GRID2: variants seen among roughly 807,000 people sequenced by gnomAD.
GRID2 encodes the protein glutamate ionotropic receptor delta type subunit 2.
In GRID2, 33 loss-of-function variants were observed where a neutral mutation model predicts 114.8. That is an observed-to-expected ratio of 0.29 (90% CI 0.22 to 0.38). The LOEUF (loss-of-function observed/expected upper bound fraction) is 0.38, where lower values mean the gene tolerates loss of function less well. Among genes scored for constraint, GRID2 ranks in the 10% least tolerant of loss-of-function variants. The pLI, the probability that GRID2 is intolerant of heterozygous loss-of-function variation, is 1.00. For missense variants in GRID2, 1,184 were observed against 1,257.7 expected (o/e 0.94, Z 0.89); for synonymous variants, 505 against 449.9 (o/e 1.12, Z -1.55).
intron 2 of GRID2, among the ~76,000 whole-genome samples, chr4:92,599,405 G>C (rs1729097239): frequency 6.6e-6 from 1 of 152,150 alleles, no homozygotes; most frequent in East Asian, 1.9e-4. Flanking sequence ...TTTATGCTTT[G>C]AAAGATGGAT....
chr4:93,003,017 G>A (rs1398211536), intron 2 of GRID2, among the ~76,000 whole-genome samples: 4 of 151,674 alleles, frequency 2.6e-5, no homozygotes, highest in Non-Finnish European at 5.9e-5. Context: ...TCTCTTATTA[G>A]AACACTTGTG....
chr4:93,631,843 G>T (rs1243026609), intron 14 of GRID2, among the ~76,000 whole-genome samples: 1 of 152,186 alleles, frequency 6.6e-6, no homozygotes, highest in African/African-American at 2.4e-5. Flanking sequence ...CAGTGTAAAA[G>T]TGTTCCTATT....
chr4:93,079,951 A>G (rs1189597421), intron 2 of GRID2, among the ~76,000 whole-genome samples: 1 of 152,140 alleles, frequency 6.6e-6, no homozygotes, highest in Non-Finnish European at 1.5e-5. Flanking sequence ...TCACTTCCTA[A>G]GTAGATAATT....
intron 1 of GRID2, among the ~76,000 whole-genome samples, chr4:92,449,690 TA>T (rs1720793198): frequency 1.4e-5 from 2 of 141,064 alleles, no homozygotes; most frequent in South Asian, 4.4e-4. Flanking sequence ...TATATATATA[TA>T]TATATATATA....
At chr4:93,074,042 C>A (rs1212647628) in intron 2 of GRID2, among the ~76,000 whole-genome samples, 1 of 152,164 alleles carries the variant, frequency 6.6e-6, no homozygotes, top group African/African-American at 2.4e-5. Flanking sequence ...ACAACTAAAA[C>A]CTGAGGGAGA....
rs112236831 is a variant in GRID2, at chr4:92,377,607, G to A, written c.88+72863G>A. On this transcript the variant is annotated intron_variant, in intron 1 of 15. Transcript: ENST00000282020. The stretch of plus-strand genomic sequence containing the variant: ...TTTACTGTTATTAGTCTGTTTTCAC[G>A]CTGCTGATAAAGACATACCTGAGAA... Among the ~76,000 whole-genome samples the A allele has an allele frequency of 5.5e-3, 842 of 152,078 alleles. 4 individuals are homozygous for A. Among genetic ancestry groups the A allele is most frequent in the Non-Finnish European group, 7.6e-3 (518 of 68,000 alleles).
intron 1 of GRID2, among the ~76,000 whole-genome samples, chr4:92,549,232 A>G (rs908392222): frequency 6.6e-6 from 1 of 152,054 alleles, no homozygotes; most frequent in Non-Finnish European, 1.5e-5. Flanking sequence ...ACACTTAAAT[A>G]TTTGTTGGAT....
chr4:92,767,353 C>A (rs113103480), intron 2 of GRID2, among the ~76,000 whole-genome samples: 1 of 152,144 alleles, frequency 6.6e-6, no homozygotes, highest in Non-Finnish European at 1.5e-5. Context: ...AGCCACTGTA[C>A]TTGTGTGTCT....
At chr4:92,451,339 G>T (rs57865891) in intron 1 of GRID2, among the ~76,000 whole-genome samples, 1 of 151,926 alleles carries the variant, frequency 6.6e-6, no homozygotes, top group African/African-American at 2.4e-5. Flanking sequence ...CTAGAATCAC[G>T]CTCAATTTAG....
intron 1 of GRID2, among the ~76,000 whole-genome samples, chr4:92,454,823 G>A (rs547869631): frequency 5.8e-4 from 88 of 152,292 alleles, no homozygotes; most frequent in Non-Finnish European, 1.1e-3. Context: ...GGGACAGAGC[G>A]AGACTCCGTC....
chr4:93,372,104 G>A (rs972423393), intron 8 of GRID2, among the ~76,000 whole-genome samples: 1 of 152,234 alleles, frequency 6.6e-6, no homozygotes, highest in African/African-American at 2.4e-5. Flanking sequence ...TGATGTAGAT[G>A]TAAGAATAGC....
At chr4:92,824,770 A>G (rs1043150637) in intron 2 of GRID2, among the ~76,000 whole-genome samples, 2 of 152,046 alleles carry the variant, frequency 1.3e-5, no homozygotes, top group Non-Finnish European at 2.9e-5. Flanking sequence ...CTAAGAAATT[A>G]ACTTTAAATT....
intron 8 of GRID2, among the ~76,000 whole-genome samples, chr4:93,374,289 C>T (rs528902221): frequency 6.6e-6 from 1 of 152,274 alleles, no homozygotes; most frequent in Middle Eastern, 3.4e-3. Flanking sequence ...ATTTCAAAAT[C>T]AGTGCAGGAT....
intron 1 of GRID2, among the ~76,000 whole-genome samples, chr4:92,383,543 T>G (rs1416324240): frequency 6.6e-6 from 1 of 151,980 alleles, no homozygotes; most frequent in East Asian, 1.9e-4. Flanking sequence ...GGGTAAGGTA[T>G]AGAAAGCCCC....
chr4:92,502,984 G>A (rs530583208), intron 1 of GRID2, among the ~76,000 whole-genome samples: 2 of 151,834 alleles, frequency 1.3e-5, no homozygotes, highest in Non-Finnish European at 2.9e-5. Flanking sequence ...CCAAAGTGCT[G>A]GGATTACAGA....
rs1296670121 is a variant in GRID2, at chr4:93,045,551, A to G, written c.245-39444A>G. Among the ~76,000 whole-genome samples the G allele has an allele frequency of 2.6e-5, 4 of 152,326 alleles. No homozygotes were observed. The East Asian group carries it at 7.7e-4, about 29-fold the overall frequency. On this transcript the variant is annotated intron_variant, in intron 2 of 15. Transcript: ENST00000282020. ...AAAGAAAGAAATATTGCCATGAAAC[A>G]GAAGACAAACAACAGGGGACATTTA...
intron 8 of GRID2, among the ~76,000 whole-genome samples, chr4:93,370,661 T>C (rs1468746642): frequency 6.6e-6 from 1 of 152,206 alleles, no homozygotes; most frequent in Non-Finnish European, 1.5e-5. Context: ...GCACAGCTAT[T>C]AAAACTTGGC....
chr4:93,311,712 G>A (rs1029925329), intron 8 of GRID2, among the ~76,000 whole-genome samples: 1 of 152,162 alleles, frequency 6.6e-6, no homozygotes, highest in African/African-American at 2.4e-5. Flanking sequence ...GGTTAGAAAT[G>A]TATGAGGATG....
At position 93,216,705 on chromosome 4, in the gene GRID2, G is replaced by A. The variant is rs1427128163; in HGVS notation, c.790-33G>A. The stretch of plus-strand genomic sequence containing the variant: ...GTTTGTGTTTTGTGACTGTATTAAA[G>A]TATCTCTAATTCTTCCACCTCTTAT... On this transcript the variant is annotated intron_variant, in intron 5 of 15. Coordinates refer to ENST00000282020, the MANE Select transcript of GRID2 (RefSeq NM_001510.4). The A allele has an allele frequency of 4.2e-6, 6 of 1,435,636 alleles. No homozygotes were observed. In the Admixed American group the frequency reaches 6.9e-5, roughly 17 times the overall value. 88.9% of individuals were successfully genotyped at this position (1,435,636 alleles called of 1,614,324 possible).
Sources: allele counts gnomAD v4.1 joint callset (sites outside exome capture counted in the v4.1 genomes callset), GRCh38; gene constraint gnomAD v4.1.1; transcripts MANE v1.5; gene names NCBI Gene and HGNC (gene_info 2026-07-23, HGNC 2026-07-21).